SLC35D1: variants seen among roughly 807,000 people sequenced by gnomAD.
SLC35D1 encodes the protein solute carrier family 35 member D1.
Under a neutral mutation model 46.7 loss-of-function variants are expected in SLC35D1, and 31 were observed. The observed-to-expected ratio is 0.66, with a 90% CI of 0.50 to 0.90. The LOEUF (loss-of-function observed/expected upper bound fraction) is 0.90, where lower values mean the gene tolerates loss of function less well. Among genes scored for constraint, SLC35D1 ranks in the 40% least tolerant of loss-of-function variants. The pLI is 0.00. For synonymous variants in SLC35D1, 195 were observed against 164.6 expected (o/e 1.18, Z -1.41); for missense variants, 397 against 426.2 (o/e 0.93, Z 0.60).
chr1:66,994,599 G>A (rs559551976), downstream of SLC35D1, among the ~76,000 whole-genome samples: 67 of 151,666 alleles, frequency 4.4e-4, no homozygotes, highest in South Asian at 2.3e-3. Context: ...AGCCGAGATC[G>A]CGCCACTGCA....
chr1:66,986,429 C>T, the SLC35D1 span: 5 of 1,613,198 alleles, frequency 3.1e-6, no homozygotes, highest in South Asian at 5.5e-5. Context: ...TCTTCCAGTT[C>T]ATTTTTCAGC....
the SLC35D1 span, among the ~76,000 whole-genome samples, chr1:66,975,691 A>C: frequency 1.3e-5 from 2 of 152,176 alleles, no homozygotes; most frequent in African/African-American, 4.8e-5. Context: ...TAGGCATTTA[A>C]CATTATGTGA....
At chr1:67,037,622 T>C (rs1217588670) in intron 8 of SLC35D1, among the ~76,000 whole-genome samples, 2 of 152,342 alleles carry the variant, frequency 1.3e-5, no homozygotes, top group Non-Finnish European at 2.9e-5. Context: ...GTCAGAAGTA[T>C]GGAAAAGTTT....
intron 7 of SLC35D1, among the ~76,000 whole-genome samples, chr1:67,043,744 C>G (rs1445560769): frequency 1.3e-5 from 2 of 152,188 alleles, no homozygotes; most frequent in Non-Finnish European, 2.9e-5. Flanking sequence ...TTACTGGGTT[C>G]TTAGCTACTA....
chr1:67,004,453 A>G lies in SLC35D1; in HGVS notation c.960-5T>C, dbSNP rs774014339. On this transcript the variant is annotated splice_polypyrimidine_tract_variant and splice_region_variant and intron_variant, in intron 11 of 11. Transcript: ENST00000235345. ...TATACCAGGCTCCCAGCAATGCTGC[A>G]AAACAGAAAGCCACTATCAGAGATG... The G allele has an allele frequency of 8.1e-6, 13 of 1,613,346 alleles. No homozygotes were observed. In the East Asian group the frequency reaches 2.2e-4, roughly 28 times the overall value.
At chr1:67,049,943 G>T in intron 5 of SLC35D1, 93 bp from the exon 6 acceptor site, 1 of 881,940 alleles carries the variant, frequency 1.1e-6, no homozygotes. Flanking sequence ...TTTCTCAAAA[G>T]CTATAAACAA....
chr1:67,030,325 TC>T (rs1386866034), intron 8 of SLC35D1, among the ~76,000 whole-genome samples: 3 of 152,206 alleles, frequency 2.0e-5, no homozygotes, highest in Non-Finnish European at 2.9e-5. Flanking sequence ...AAACCTTTCC[TC>T]CAGCTCTAAA....
At chr1:67,053,036 T>C (rs1645327618) in intron 1 of SLC35D1, 47 bp from the exon 2 acceptor site, 2 of 1,607,654 alleles carry the variant, frequency 1.2e-6, no homozygotes, top group Non-Finnish European at 1.7e-6. Flanking sequence ...AAACCTAACT[T>C]AGCTCCGTGA....
At chr1:67,047,171 C>A in intron 7 of SLC35D1, 94 bp downstream of exon 7, 1 of 925,906 alleles carries the variant, frequency 1.1e-6, no homozygotes, top group East Asian at 2.5e-5. Flanking sequence ...TTTCTCATCC[C>A]CAGTAAGAAC....
At chr1:66,983,099 A>G in the SLC35D1 span, among the ~76,000 whole-genome samples, 1 of 152,242 alleles carries the variant, frequency 6.6e-6, no homozygotes, top group Non-Finnish European at 1.5e-5. Flanking sequence ...TAAGTTACTT[A>G]TAAATTACTT....
intron 8 of SLC35D1, among the ~76,000 whole-genome samples, chr1:67,041,392 G>C (rs1404407069): frequency 6.6e-6 from 1 of 152,122 alleles, no homozygotes; most frequent in South Asian, 2.1e-4. Context: ...TTTGGTTCAA[G>C]AACAATTTAA....
At chr1:66,986,003 G>A in the SLC35D1 span, 8 of 990,000 alleles carry the variant, frequency 8.1e-6, no homozygotes, top group African/African-American at 3.5e-5. Context: ...CCAGAATCCT[G>A]TTATTTTTAT....
chr1:67,017,436 T>C (rs773333876), intron 10 of SLC35D1, among the ~76,000 whole-genome samples: 3 of 152,174 alleles, frequency 2.0e-5, no homozygotes, highest in African/African-American at 4.8e-5. Flanking sequence ...TTTTCTTCCA[T>C]TTTTGACTTT....
rs965058931 is a variant in SLC35D1, at chr1:67,052,736, T to C, written c.324+35A>G. On this transcript the variant is annotated intron_variant, in intron 3 of 11. Transcript: ENST00000235345. Reference sequence around the variant, plus strand: ...AATATGTTAATACATACTGACTTCATTTCACAAAATAAAGTATCGCTTTTC... The same window carrying C: ...AATATGTTAATACATACTGACTTCACTTCACAAAATAAAGTATCGCTTTTC... 6.2e-6 allele frequency: 10 copies of C among 1,608,106 alleles called. No homozygotes were observed. The Admixed American group carries it at 6.7e-5, about 11-fold the overall frequency.
At chr1:66,995,883 G>A (rs531403693), downstream of SLC35D1, among the ~76,000 whole-genome samples, 3 of 152,092 alleles carry the variant, frequency 2.0e-5, no homozygotes, top group East Asian at 3.9e-4. Context: ...AATATTCACC[G>A]AAAAAAATTA....
chr1:67,009,199 T>C (rs1022207794), intron 10 of SLC35D1, 32 bp from the exon 11 acceptor site: 3 of 792,856 alleles, frequency 3.8e-6, no homozygotes, highest in Non-Finnish European at 6.1e-6. Context: ...TACTGTTATA[T>C]AGGTTTAACT....
chr1:67,019,682 C>T (rs1667758154), intron 10 of SLC35D1, among the ~76,000 whole-genome samples: 1 of 152,170 alleles, frequency 6.6e-6, no homozygotes, highest in East Asian at 1.9e-4. Flanking sequence ...CTGGGTTTTG[C>T]CTTTTTAAGG....
At chr1:67,020,666 C>G (rs574226071) in intron 9 of SLC35D1, among the ~76,000 whole-genome samples, 4 of 152,188 alleles carry the variant, frequency 2.6e-5, no homozygotes, top group African/African-American at 7.2e-5. Context: ...CTTTGCTGCC[C>G]TCATCAAAAC....
At chr1:66,978,196 CAAAA>C in the SLC35D1 span, among the ~76,000 whole-genome samples, 2 of 91,384 alleles carry the variant, frequency 2.2e-5, no homozygotes, top group Admixed American at 1.1e-4. Flanking sequence ...ACTCCATCTC[CAAAA>C]AAAAAAAAAA....
Sources: gnomAD v4.1 joint callset for allele counts (sites outside exome capture counted in the v4.1 genomes callset) on GRCh38, gnomAD v4.1.1 for gene constraint, MANE v1.5 for transcripts, NCBI Gene and HGNC (gene_info 2026-07-23, HGNC 2026-07-21) for gene names.